SGCD: variants seen among roughly 807,000 people sequenced by gnomAD.
SGCD encodes delta-sarcoglycan.
Under a neutral mutation model 36.6 loss-of-function variants are expected in SGCD, and 18 were observed. That is an observed-to-expected ratio of 0.49 (90% CI 0.34 to 0.73). The LOEUF is 0.73. SGCD is among the 30% of genes least tolerant of loss of function. The probability of loss-of-function intolerance (pLI) is 0.01; values close to 1 mark genes in which losing one functional copy is unlikely to be tolerated. For synonymous variants in SGCD, 133 were observed against 130.6 expected (o/e 1.02, Z -0.12); for missense variants, 387 against 346.7 (o/e 1.12, Z -0.92).
chr5:156,344,057 C>T (rs967554129), intron 2 of SGCD, among the ~76,000 whole-genome samples: 1 of 152,076 alleles, frequency 6.6e-6, no homozygotes, highest in Admixed American at 6.6e-5. Context: ...AACCACCCCC[C>T]CAAATAAATT....
At chr5:156,442,202 T>A (rs528093934) in intron 3 of SGCD, among the ~76,000 whole-genome samples, 13 of 152,340 alleles carry the variant, frequency 8.5e-5, no homozygotes, top group Admixed American at 7.8e-4. Context: ...TTGTTTTTCT[T>A]TATTCTCTGA....
At chr5:156,605,312 G>A (rs189598462) in intron 6 of SGCD, among the ~76,000 whole-genome samples, 1 of 151,492 alleles carries the variant, frequency 6.6e-6, no homozygotes, top group Non-Finnish European at 1.5e-5. Flanking sequence ...TTGGTTTTTT[G>A]TCCTTGCAAT....
intron 1 of SGCD, among the ~76,000 whole-genome samples, chr5:155,958,771 T>C (rs1757721721): frequency 6.6e-6 from 1 of 152,118 alleles, no homozygotes; most frequent in Admixed American, 6.5e-5. Context: ...AATGCCTACC[T>C]CAAAGGGTTG....
At chr5:156,323,289 G>A (rs1475235370), upstream of SGCD, among the ~76,000 whole-genome samples, 1 of 152,070 alleles carries the variant, frequency 6.6e-6, no homozygotes, top group Non-Finnish European at 1.5e-5. Context: ...TGCAAAGTTT[G>A]TTCACTTCTC....
chr5:155,792,523 A>G, the SGCD span, among the ~76,000 whole-genome samples: 1 of 152,040 alleles, frequency 6.6e-6, no homozygotes, highest in South Asian at 2.1e-4. Flanking sequence ...ACAGTCTAAT[A>G]TCCAGAATCT....
At chr5:156,156,757 G>GTT (rs1762974417) in intron 3 of SGCD, among the ~76,000 whole-genome samples, 1 of 151,374 alleles carries the variant, frequency 6.6e-6, no homozygotes, top group African/African-American at 2.5e-5. Flanking sequence ...CTTCTGATGG[G>GTT]CTGATTGTTG....
intron 7 of SGCD, among the ~76,000 whole-genome samples, chr5:156,724,913 T>C (rs937526497): frequency 1.3e-5 from 2 of 152,194 alleles, no homozygotes; most frequent in Non-Finnish European, 2.9e-5. Flanking sequence ...ATGTGTTTGT[T>C]TTTTTGTACT....
intron 7 of SGCD, among the ~76,000 whole-genome samples, chr5:156,705,416 C>T (rs911899752): frequency 5.9e-5 from 9 of 152,244 alleles, no homozygotes; most frequent in African/African-American, 2.2e-4. Context: ...TAACCAGAAA[C>T]TTTAACAGCC....
intron 1 of SGCD, among the ~76,000 whole-genome samples, chr5:155,873,561 T>C (rs1755703915): frequency 6.6e-6 from 1 of 152,156 alleles, no homozygotes; most frequent in Non-Finnish European, 1.5e-5. Flanking sequence ...GAAATTATAA[T>C]ACTTAATGGA....
intron 3 of SGCD, among the ~76,000 whole-genome samples, chr5:156,301,546 C>T (rs1767054411): frequency 6.6e-6 from 1 of 152,040 alleles, no homozygotes; most frequent in Admixed American, 6.6e-5. Flanking sequence ...TTAAATACCT[C>T]AATTACAGGG....
intron 6 of SGCD, among the ~76,000 whole-genome samples, chr5:156,603,763 T>A (rs550167515): frequency 1.3e-5 from 2 of 152,160 alleles, no homozygotes; most frequent in African/African-American, 2.4e-5. Context: ...AGAAAAAAAA[T>A]GCTTGATATA....
intron 3 of SGCD, among the ~76,000 whole-genome samples, chr5:156,498,242 T>G (rs1268168406): frequency 7.1e-6 from 1 of 140,328 alleles, no homozygotes; most frequent in African/African-American, 2.7e-5. Context: ...TTTTTTTCTG[T>G]GAACGTCATA....
At chr5:155,838,937 G>C in the SGCD span, among the ~76,000 whole-genome samples, 2 of 152,282 alleles carry the variant, frequency 1.3e-5, no homozygotes, top group African/African-American at 4.8e-5. Flanking sequence ...TTAGGGCACA[G>C]CCAGGAAAAT....
chr5:156,281,532 G>A lies in SGCD; in HGVS notation c.-43-48002G>A, dbSNP rs1561598671. On this transcript the variant is annotated intron_variant, in intron 3 of 9. Transcript: ENST00000517913. ...ATTTTTTCAACAAATAATTATTGAG[G>A]CCCCTGCCAGGTGCTAATTCCTACT... Among the ~76,000 whole-genome samples the A allele has an allele frequency of 2.0e-5, 3 of 152,212 alleles. No individual in the cohort carries two copies. In the South Asian group the frequency reaches 6.2e-4, roughly 32 times the overall value.
the SGCD span, among the ~76,000 whole-genome samples, chr5:155,854,536 C>A: frequency 1.3e-5 from 2 of 152,044 alleles, no homozygotes; most frequent in Non-Finnish European, 2.9e-5. Context: ...GATTTAAATT[C>A]TCTTGATTAC....
chr5:156,156,110 C>A (rs1436314980), intron 3 of SGCD, among the ~76,000 whole-genome samples: 6 of 151,556 alleles, frequency 4.0e-5, no homozygotes, highest in African/African-American at 1.5e-4. Flanking sequence ...CTACTTTCAC[C>A]AAGTAAGAAT....
intron 7 of SGCD, among the ~76,000 whole-genome samples, chr5:156,711,086 A>G (rs1416029576): frequency 6.6e-6 from 1 of 152,180 alleles, no homozygotes; most frequent in African/African-American, 2.4e-5. Flanking sequence ...AATACTGGTC[A>G]GTTGTCCCTG....
At chr5:156,337,941 TCA>T (rs930291182) in intron 2 of SGCD, among the ~76,000 whole-genome samples, 1 of 152,154 alleles carries the variant, frequency 6.6e-6, no homozygotes, top group African/African-American at 2.4e-5. Context: ...AGAACTGCAC[TCA>T]CAGCACCTAC....
rs189783480 is a variant in SGCD, at chr5:156,413,072, C to T, written c.192+68395C>T. On this transcript the variant is annotated intron_variant, in intron 3 of 8. Coordinates refer to ENST00000337851, the MANE Select transcript of SGCD (RefSeq NM_000337.6). ...TCGGCCTCCCAAAGTGCTGGGATTA[C>T]AGGCGTGAGCCACCGCGCCCGGCCG... Among the ~76,000 whole-genome samples, 9 of 152,324 alleles carry T rather than the reference C, an allele frequency of 5.9e-5. No individual in the cohort carries two copies. In the East Asian group the frequency reaches 1.7e-3, roughly 29 times the overall value.
Sources: gnomAD v4.1 joint callset for allele counts (sites outside exome capture counted in the v4.1 genomes callset) on GRCh38, gnomAD v4.1.1 for gene constraint, MANE v1.5 for transcripts, NCBI Gene and HGNC (gene_info 2026-07-23, HGNC 2026-07-21) for gene names.